CDH4: variants seen among roughly 807,000 people sequenced by gnomAD.
CDH4 encodes cadherin-4.
A neutral mutation model predicts 86.0 loss-of-function variants in CDH4; 33 were observed. That is an observed-to-expected ratio of 0.38 (90% CI 0.29 to 0.51). The LOEUF (loss-of-function observed/expected upper bound fraction) is 0.51. Ranked by LOEUF, CDH4 falls within the 20% of genes least tolerant of loss-of-function variation. The probability of loss-of-function intolerance (pLI) is 0.86; values close to 1 mark genes in which losing one functional copy is unlikely to be tolerated. For missense variants in CDH4, 1,114 were observed against 1,307.4 expected (o/e 0.85, Z 2.28); for synonymous variants, 555 against 549.4 (o/e 1.01, Z -0.14).
intron 4 of CDH4, among the ~76,000 whole-genome samples, chr20:61,795,851 A>ATGAATGAGTGAATGAATGAATGAGTGAG (rs1555839797): frequency 6.6e-6 from 1 of 151,522 alleles, no homozygotes; most frequent in Non-Finnish European, 1.5e-5. Flanking sequence ...GAATGAGTGA[A>ATGAATGAGTGAATGAATGAATGAGTGAG]TGAATGAATG....
chr20:61,634,687 T>G (rs1470591262), intron 2 of CDH4, among the ~76,000 whole-genome samples: 1 of 152,196 alleles, frequency 6.6e-6, no homozygotes, highest in Non-Finnish European at 1.5e-5. Context: ...TAAGCGTTCG[T>G]TTTAACACTT....
intron 2 of CDH4, among the ~76,000 whole-genome samples, chr20:61,707,508 A>T (rs553920570): frequency 6.6e-6 from 1 of 152,322 alleles, no homozygotes; most frequent in African/African-American, 2.4e-5. Flanking sequence ...AGTGCCGTGT[A>T]ATCCTTACCT....
chr20:61,351,906 G>A lies in CDH4; in HGVS notation c.169+96969G>A, dbSNP rs962603088. 6.1e-4 allele frequency among the ~76,000 whole-genome samples: 92 copies of A among 151,920 alleles called. 3 individuals carry two copies. The highest frequency in any genetic ancestry group is 2.1e-4 in the Non-Finnish European group (14 of 67,964). On this transcript the variant is annotated intron_variant, in intron 2 of 15. Coordinates refer to ENST00000614565, the MANE Select transcript of CDH4 (RefSeq NM_001794.5). ...TAATTTTTGTATTTTTAGTAGAGAC[G>A]GGGTTTCACCATGTTGGCCAGGCTG...
intron 8 of CDH4, among the ~76,000 whole-genome samples, chr20:61,906,261 C>T (rs1303039243): frequency 6.6e-6 from 1 of 152,242 alleles, no homozygotes; most frequent in African/African-American, 2.4e-5. Flanking sequence ...CTCAATGCCA[C>T]TGTTGGGGCA....
chr20:61,438,584 T>C (rs6062000), intron 2 of CDH4, among the ~76,000 whole-genome samples: 26,003 of 152,218 alleles, frequency 0.17, 2,315 homozygotes, highest in African/African-American at 0.18. Flanking sequence ...TAACTGTAGA[T>C]GTCATATATC....
intron 2 of CDH4, among the ~76,000 whole-genome samples, chr20:61,640,618 G>A (rs2086996551): frequency 6.6e-6 from 1 of 152,160 alleles, no homozygotes; most frequent in South Asian, 2.1e-4. Context: ...CACCCCTCGA[G>A]GAGGAGAGGA....
chr20:61,446,562 T>C (rs977398259), intron 2 of CDH4, among the ~76,000 whole-genome samples: 1 of 152,198 alleles, frequency 6.6e-6, no homozygotes, highest in East Asian at 1.9e-4. Context: ...TCTTAAAAAG[T>C]TGGGTTGCTT....
chr20:61,593,997 T>A (rs1483481582), intron 2 of CDH4, among the ~76,000 whole-genome samples: 1 of 125,730 alleles, frequency 8.0e-6, no homozygotes, highest in Non-Finnish European at 1.6e-5. Context: ...CATGAGGAAA[T>A]ACAGATTCAG....
intron 2 of CDH4, among the ~76,000 whole-genome samples, chr20:61,619,805 G>A (rs951565353): frequency 6.6e-6 from 1 of 152,254 alleles, no homozygotes; most frequent in Non-Finnish European, 1.5e-5. Flanking sequence ...ACACAACAGG[G>A]AAGAGGGGCT....
intron 2 of CDH4, among the ~76,000 whole-genome samples, chr20:61,633,607 G>A (rs764911788): frequency 4.6e-5 from 7 of 152,178 alleles, no homozygotes; most frequent in Non-Finnish European, 5.9e-5. Context: ...AGATCTTCCC[G>A]GAGACCATCT....
intron 2 of CDH4, among the ~76,000 whole-genome samples, chr20:61,737,188 G>A (rs1482003827): frequency 1.3e-5 from 2 of 152,164 alleles, no homozygotes; most frequent in African/African-American, 4.8e-5. Flanking sequence ...GGGCAACAGA[G>A]GGTGGTCCCT....
At chr20:61,254,218 G>C (rs1020313384) in intron 1 of CDH4, among the ~76,000 whole-genome samples, 1 of 152,198 alleles carries the variant, frequency 6.6e-6, no homozygotes, top group African/African-American at 2.4e-5. Context: ...CTGAAGACTA[G>C]AAGGTGGAAG....
At chr20:61,880,111 C>T (rs1038825635) in intron 7 of CDH4, among the ~76,000 whole-genome samples, 5 of 152,204 alleles carry the variant, frequency 3.3e-5, no homozygotes, top group Non-Finnish European at 5.9e-5. Context: ...TCACCACCAT[C>T]GACTTTAGTT....
chr20:61,667,114 A>G (rs1600855794), intron 2 of CDH4, among the ~76,000 whole-genome samples: 1 of 152,224 alleles, frequency 6.6e-6, no homozygotes, highest in East Asian at 1.9e-4. Flanking sequence ...ATCAGAGAAA[A>G]TTGGGACAAT....
chr20:61,771,286 A>G (rs2088773464), intron 3 of CDH4, among the ~76,000 whole-genome samples: 1 of 151,076 alleles, frequency 6.6e-6, no homozygotes, highest in Non-Finnish European at 1.5e-5. Flanking sequence ...CTGGGATTAC[A>G]GGCGTGAGCC....
intron 2 of CDH4, among the ~76,000 whole-genome samples, chr20:61,264,021 T>A (rs942207314): frequency 1.2e-4 from 18 of 152,118 alleles, no homozygotes; most frequent in African/African-American, 4.1e-4. Flanking sequence ...TAATCTCCCG[T>A]TGCAAGACTC....
chr20:61,463,006 A>G (rs10221998), intron 2 of CDH4, among the ~76,000 whole-genome samples: 2,061 of 152,322 alleles, frequency 0.014, 49 homozygotes, highest in African/African-American at 0.047. Context: ...AGGTGGAAAT[A>G]ATTGAATAAT....
intron 2 of CDH4, among the ~76,000 whole-genome samples, chr20:61,561,578 G>T (rs1053413906): frequency 2.0e-5 from 3 of 152,218 alleles, no homozygotes; most frequent in Non-Finnish European, 4.4e-5. Flanking sequence ...CTTTGTCCCA[G>T]TGGGTTCCAG....
chr20:61,689,149 T>C (rs2087623586), intron 2 of CDH4, among the ~76,000 whole-genome samples: 1 of 152,230 alleles, frequency 6.6e-6, no homozygotes, highest in South Asian at 2.1e-4. Context: ...AGTAACGCAG[T>C]TGGGCAGGGA....
Sources: allele counts gnomAD v4.1 joint callset (sites outside exome capture counted in the v4.1 genomes callset), GRCh38; gene constraint gnomAD v4.1.1; transcripts MANE v1.5; gene names NCBI Gene and HGNC (gene_info 2026-07-23, HGNC 2026-07-21).